The following INTS4 variants were observed in gnomAD, a reference collection of about 807,000 sequenced individuals.
INTS4 encodes MSTP093.
A neutral mutation model predicts 119.5 loss-of-function variants in INTS4; 70 were observed. The observed-to-expected ratio is 0.59, with a 90% CI of 0.48 to 0.71. The LOEUF (loss-of-function observed/expected upper bound fraction) is 0.71, where lower values mean the gene tolerates loss of function less well. INTS4 is among the 30% of genes least tolerant of loss of function. The probability of loss-of-function intolerance (pLI) is 0.00; values close to 1 mark genes in which losing one functional copy is unlikely to be tolerated. For missense variants in INTS4, 867 were observed against 1,173.2 expected, an observed-to-expected ratio of 0.74 and a Z score of 3.81; for synonymous variants, 316 against 419.6, an observed-to-expected ratio of 0.75 and a Z score of 3.02.
At chr11:77,971,565 G>A (rs986449425) in intron 4 of INTS4, among the ~76,000 whole-genome samples, 3 of 152,016 alleles carry the variant, frequency 2.0e-5, no homozygotes, top group African/African-American at 7.3e-5. Context: ...ACTTGAACCT[G>A]GGAGGCAGAG....
Position 77,903,415 on chromosome 11 carries a change from T to G in INTS4, c.2097+125A>C, listed in dbSNP as rs1336245535. 2.1e-5 allele frequency: 33 copies of G among 1,606,750 alleles called. No individual in the cohort carries two copies. In the Admixed American group the frequency reaches 5.4e-4, roughly 26 times the overall value. On this transcript the variant is annotated intron_variant, in intron 17 of 22. Coordinates refer to ENST00000534064, the MANE Select transcript of INTS4 (RefSeq NM_033547.4). ...TCTGCTTCAAATACAAAGGGGCAGC[T>G]ACATGCCACAACTTTTCCTGCAAGG...
At chr11:77,875,546 A>G (rs1951571633), downstream of INTS4, among the ~76,000 whole-genome samples, 1 of 152,156 alleles carries the variant, frequency 6.6e-6, no homozygotes, top group South Asian at 2.1e-4. Flanking sequence ...GCCTTCTCCA[A>G]CAGAGAATGT....
intron 21 of INTS4, among the ~76,000 whole-genome samples, chr11:77,888,159 C>T (rs1952099579): frequency 6.6e-6 from 1 of 152,188 alleles, no homozygotes. Context: ...CATCATGCTA[C>T]CTGACTTCAA....
At chr11:77,956,710 A>AAATAATAAT (rs199933134) in intron 7 of INTS4, among the ~76,000 whole-genome samples, 1 of 97,710 alleles carries the variant, frequency 1.0e-5, no homozygotes, top group Non-Finnish European at 2.2e-5. Flanking sequence ...CCATCTCAAA[A>AAATAATAAT]AATAATAATA....
At chr11:77,920,234 T>C (rs59734753) in intron 14 of INTS4, among the ~76,000 whole-genome samples, 18 of 47,574 alleles carry the variant, frequency 3.8e-4, no homozygotes, top group African/African-American at 8.2e-4. Context: ...TATACATACA[T>C]ATATACATAT....
chr11:77,976,057 G>A (rs1037401655), intron 4 of INTS4, among the ~76,000 whole-genome samples: 21 of 151,810 alleles, frequency 1.4e-4, no homozygotes, highest in African/African-American at 4.6e-4. Flanking sequence ...ATTCACATGA[G>A]AGGAAATACA....
intron 1 of INTS4, among the ~76,000 whole-genome samples, chr11:77,993,655 CAT>C (rs1411152055): frequency 2.0e-5 from 3 of 152,054 alleles, no homozygotes; most frequent in African/African-American, 7.3e-5. Context: ...TTTGTATTAA[CAT>C]ATTTTAATGC....
In INTS4 at chr11:77,987,472, T is replaced by C. The variant is rs144432739; in HGVS notation, c.246+3636A>G. 3.0e-3 allele frequency: 932 copies of C among 307,954 alleles called. 10 individuals carry two copies. Among genetic ancestry groups the C allele is most frequent in the African/African-American group, 0.017 (767 of 44,398 alleles). The allele number at this position is 307,954 out of a possible 1,614,324, so 19.1% of individuals were successfully genotyped here. On this transcript the variant is annotated intron_variant, in intron 2 of 22. Coordinates refer to ENST00000534064, the MANE Select transcript of INTS4 (RefSeq NM_033547.4). Reference sequence around the variant, plus strand: ...AAGAAGTATTATTATAGATGATTATTGGTAACAGATCTTTAATATAATAAT... The same window carrying C: ...AAGAAGTATTATTATAGATGATTATCGGTAACAGATCTTTAATATAATAAT...
intron 4 of INTS4, 37 bp from the exon 5 acceptor site, chr11:77,961,175 GA>G (rs750522273): frequency 1.3e-5 from 20 of 1,492,808 alleles, no homozygotes; most frequent in African/African-American, 3.0e-5. Flanking sequence ...AAAAGAAAAA[GA>G]AAAAAAGGAC....
chr11:77,883,911 C>T lies in INTS4; in HGVS notation c.2634G>A (p.Lys878=), dbSNP rs1170486189. Reference sequence around the variant, plus strand: ...GGCCAGGATTCCGGAAGTCTGCAGGCTTGGGGTGAATCATCTGAGCCTGGC... The same window carrying T: ...GGCCAGGATTCCGGAAGTCTGCAGGTTTGGGGTGAATCATCTGAGCCTGGC... ...PDGQAQMIHP[K]PADFRNPGPG... is the part of the protein sequence containing the mutation. The change falls in exon 22 of 23, where the codon AAG becomes AAA. Residue 878 remains lysine (K), a synonymous_variant. Transcript: ENST00000534064. 6.2e-7 allele frequency: 1 copy of T among 1,613,258 alleles called. No homozygotes were observed. The highest frequency in any genetic ancestry group is 1.7e-5 in the Admixed American group (1 of 59,888).
intron 2 of INTS4, among the ~76,000 whole-genome samples, chr11:77,985,648 A>G (rs1263501292): frequency 6.6e-6 from 1 of 152,238 alleles, no homozygotes; most frequent in East Asian, 1.9e-4. Flanking sequence ...ATCAGGGATT[A>G]CATCATCTAC....
chr11:77,917,697 A>C (rs2136471429), intron 15 of INTS4, among the ~76,000 whole-genome samples: 2 of 151,866 alleles, frequency 1.3e-5, no homozygotes, highest in South Asian at 4.2e-4. Context: ...TGCTCCTCAA[A>C]GATATAATTT....
intron 4 of INTS4, among the ~76,000 whole-genome samples, chr11:77,975,955 C>CAAAA (rs34102366): frequency 7.2e-6 from 1 of 138,634 alleles, no homozygotes. Flanking sequence ...GACTCTATCT[C>CAAAA]AAAAAAAAAA....
At chr11:77,966,427 T>A (rs1477348655) in intron 4 of INTS4, among the ~76,000 whole-genome samples, 1 of 152,200 alleles carries the variant, frequency 6.6e-6, no homozygotes, top group East Asian at 1.9e-4. Flanking sequence ...GTTTTACAGT[T>A]TCAGGTCGTA....
chr11:77,983,086 A>G (rs1456062507), intron 2 of INTS4, among the ~76,000 whole-genome samples: 1 of 152,204 alleles, frequency 6.6e-6, no homozygotes, highest in African/African-American at 2.4e-5. Flanking sequence ...TTCACTACAC[A>G]ACAGCTGTAT....
At chr11:77,970,933 G>A (rs979895865) in intron 4 of INTS4, among the ~76,000 whole-genome samples, 5 of 151,968 alleles carry the variant, frequency 3.3e-5, no homozygotes, top group Non-Finnish European at 5.9e-5. Flanking sequence ...TCAGCCTCCC[G>A]AGTAGCTGGG....
At chr11:77,942,268 A>G (rs1327300613) in intron 8 of INTS4, among the ~76,000 whole-genome samples, 1 of 152,220 alleles carries the variant, frequency 6.6e-6, no homozygotes, top group East Asian at 1.9e-4. Flanking sequence ...ATGGGAACGG[A>G]GAGAACAAGC....
chr11:77,875,749 C>A (rs74349892), downstream of INTS4, among the ~76,000 whole-genome samples: 3 of 152,086 alleles, frequency 2.0e-5, no homozygotes, highest in Non-Finnish European at 4.4e-5. Context: ...ATAAGAGACA[C>A]AGATATGTCC....
chr11:77,907,954 A>G, intron 15 of INTS4, 144 bp from the exon 16 acceptor site: 2 of 580,536 alleles, frequency 3.4e-6, no homozygotes, highest in Non-Finnish European at 5.9e-6. Flanking sequence ...TGGAGTGGTT[A>G]TAATAAAATT....
Sources: gnomAD v4.1 joint callset for allele counts (sites outside exome capture counted in the v4.1 genomes callset) on GRCh38, gnomAD v4.1.1 for gene constraint, MANE v1.5 for transcripts, NCBI Gene and HGNC (gene_info 2026-07-23, HGNC 2026-07-21) for gene names.